RAD9A: variants seen among roughly 807,000 people sequenced by gnomAD.
The protein encoded by RAD9A is RAD9 checkpoint clamp component A, also known as cell cycle checkpoint control protein RAD9A.
RAD9A carries 25 observed loss-of-function variants against 41.2 expected under a neutral mutation model. That is an observed-to-expected ratio of 0.61 (90% CI 0.44 to 0.85). RAD9A has a LOEUF of 0.85. Among genes scored for constraint, RAD9A ranks in the 40% least tolerant of loss-of-function variants. RAD9A has a pLI of 0.00. For synonymous variants in RAD9A, 252 were observed against 210.6 expected (o/e 1.20, Z -1.70); for missense variants, 514 against 518.3 (o/e 0.99, Z 0.08).
chr11:67,396,714 G>C (rs1229074970), intron 9 of RAD9A, among the ~76,000 whole-genome samples: 3 of 152,210 alleles, frequency 2.0e-5, no homozygotes, highest in Non-Finnish European at 2.9e-5. Flanking sequence ...CTGGGAGGCA[G>C]GAGCTGCCTG....
At chr11:67,397,038 C>T (rs1161671709) in intron 9 of RAD9A, 141 bp from the exon 10 acceptor site, 8 of 631,374 alleles carry the variant, frequency 1.3e-5, no homozygotes, top group Admixed American at 2.7e-5. Context: ...TGCATCCTCT[C>T]CTCTCCAGCC....
At position 67,397,322 on chromosome 11, in the gene RAD9A, C is replaced by T. The variant is rs760292348; in HGVS notation, c.1016C>T (p.Pro339Leu). 7 of 1,596,532 alleles carry T rather than the reference C, an allele frequency of 4.4e-6. No individual in the cohort carries two copies. The highest frequency in any genetic ancestry group is 5.1e-6 in the Non-Finnish European group (6 of 1,171,040). Reference sequence around the variant, plus strand: ...CCCCAGCCCCCCAAGAGCCCCGGTCCCCACTCCGAGGAGGAAGATGAGGCT... The same window carrying T: ...CCCCAGCCCCCCAAGAGCCCCGGTCTCCACTCCGAGGAGGAAGATGAGGCT... ...PGPQPPKSPGPHSEEEDEAEP... is the reference protein window; with the variant it reads ...PGPQPPKSPGLHSEEEDEAEP... The change falls in exon 10 of 11, where the codon CCC (proline) becomes CTC (leucine). Residue 339 changes from proline (P) to leucine (L), a missense_variant. This residue lies in a region of RAD9A where 216 missense variants were observed against 184.2 expected (regional missense o/e 1.17). Transcript: ENST00000307980.
chr11:67,396,698 G>C (rs555884077), intron 9 of RAD9A, among the ~76,000 whole-genome samples: 1 of 152,338 alleles, frequency 6.6e-6, no homozygotes, highest in East Asian at 1.9e-4. Context: ...AGGAGGGAAA[G>C]GGCTGCTGGG....
intron 3 of RAD9A, 35 bp downstream of exon 3, chr11:67,392,817 C>T (rs752824198): frequency 1.2e-5 from 19 of 1,608,704 alleles, no homozygotes; most frequent in Non-Finnish European, 1.5e-5. Context: ...CACTACTCCA[C>T]CCCAGGAATC....
intron 5 of RAD9A, chr11:67,395,321 T>C: frequency 5.2e-6 from 1 of 190,902 alleles, no homozygotes; most frequent in Non-Finnish European, 1.1e-5. Context: ...CTCTGTCTCA[T>C]GAATAATTTC....
chr11:67,397,565 G>A lies in RAD9A; in HGVS notation c.*6G>A. 2 of 1,590,428 alleles carry A rather than the reference G, an allele frequency of 1.3e-6. No individual in the cohort carries two copies. Among genetic ancestry groups the A allele is most frequent in the Non-Finnish European group, 1.7e-6 (2 of 1,160,996 alleles). ...ACAGTGAGGGTGAAGGCTGAACCAA[G>A]AACCTGAAGCCTGTACCCAGAGGCC... On this transcript the variant is annotated 3_prime_UTR_variant, in exon 11 of 11. Coordinates refer to ENST00000307980, the MANE Select transcript of RAD9A (RefSeq NM_004584.3).
At chr11:67,396,697 A>C (rs891297102) in intron 9 of RAD9A, among the ~76,000 whole-genome samples, 3 of 152,174 alleles carry the variant, frequency 2.0e-5, no homozygotes, top group African/African-American at 7.2e-5. Flanking sequence ...AAGGAGGGAA[A>C]GGGCTGCTGG....
At position 67,392,165 on chromosome 11, in the gene RAD9A, C is replaced by T. The variant is rs1422071045; in HGVS notation, c.39C>T (p.Leu13=). Residue 13 remains leucine (L), a synonymous_variant, in exon 2 of 11, where the codon CTC becomes CTT. Coordinates refer to ENST00000307980, the MANE Select transcript of RAD9A (RefSeq NM_004584.3). The part of the protein sequence containing the change: ...CLVTGGNVKV[L]GKAVHSLSRI... Reference sequence around the variant, plus strand: ...CTTCCGCTCTTCTCCCCGCAGTGCTCGGCAAGGCCGTCCACTCCCTGTCCC... The same window carrying T: ...CTTCCGCTCTTCTCCCCGCAGTGCTTGGCAAGGCCGTCCACTCCCTGTCCC... 6.8e-7 allele frequency: 1 copy of T among 1,471,608 alleles called. No individual in the cohort carries two copies. The highest frequency in any genetic ancestry group is 1.8e-5 in the Admixed American group (1 of 55,162). 91.2% of individuals were successfully genotyped at this position (1,471,608 alleles called of 1,614,324 possible). A position where few individuals can be genotyped will look rare whatever the true frequency, so the allele number is the denominator to read the frequency against.
In RAD9A at chr11:67,397,472, A is replaced by G. The variant is rs755247318; in HGVS notation, c.1089A>G (p.Ser363=). The change falls in exon 11 of 11, where the codon TCA becomes TCG. Residue 363 remains serine (S), a synonymous_variant. Transcript: ENST00000307980. ...PGTPPPKKFR[S]LFFGSILAPV... ...ACTTGTTCTCTTTCCAGTTCCGCTCACTGTTCTTCGGCTCCATCCTGGCCC... is the reference window on the plus strand; with the variant it reads ...ACTTGTTCTCTTTCCAGTTCCGCTCGCTGTTCTTCGGCTCCATCCTGGCCC... The G allele has an allele frequency of 3.1e-6, 5 of 1,611,146 alleles. No individual in the cohort carries two copies. The highest frequency in any genetic ancestry group is 4.2e-6 in the Non-Finnish European group (5 of 1,177,714).
At chr11:67,396,068 T>C in intron 7 of RAD9A, 43 bp from the exon 8 acceptor site, 1 of 1,613,292 alleles carries the variant, frequency 6.2e-7, no homozygotes, top group Non-Finnish European at 8.5e-7. Flanking sequence ...CCTGCCCAGC[T>C]CAGCCCAGCC....
In RAD9A at chr11:67,392,616, C is replaced by T. The variant is rs376346355; in HGVS notation, c.106-38C>T. The T allele has an allele frequency of 5.8e-5, 93 of 1,611,174 alleles. No homozygotes were observed. The African/African-American group carries it at 1.1e-3, about 19-fold the overall frequency. On this transcript the variant is annotated intron_variant, in intron 2 of 10. Coordinates refer to ENST00000307980, the MANE Select transcript of RAD9A (RefSeq NM_004584.3). Reference sequence around the variant, plus strand: ...CCAGAGGGCTGGGTCTGTGGCTGCCCCCTGACCACGTCCCTCTCCCTGCTC... The same window carrying T: ...CCAGAGGGCTGGGTCTGTGGCTGCCTCCTGACCACGTCCCTCTCCCTGCTC...
Position 67,392,722 on chromosome 11 carries a change from C to T in RAD9A, c.174C>T (p.Phe58=). ...GCTTTCTCTTTGCCCCGCTCTTCTT[C>T]CAGCAATACCAGGCAGCCACCCCTG... ...YACFLFAPLF[F]QQYQAATPGQ... Residue 58 remains phenylalanine (F), a synonymous_variant, in exon 3 of 11, where the codon TTC becomes TTT. Transcript: ENST00000307980. The T allele has an allele frequency of 6.2e-7, 1 of 1,614,034 alleles. No homozygotes were observed. Among genetic ancestry groups the T allele is most frequent in the Non-Finnish European group, 8.5e-7 (1 of 1,179,952 alleles).
At chr11:67,397,149 C>A in intron 9 of RAD9A, 30 bp from the exon 10 acceptor site, 2 of 1,561,612 alleles carry the variant, frequency 1.3e-6, no homozygotes, top group Non-Finnish European at 1.8e-6. Flanking sequence ...TCCCCCAGTC[C>A]CCTCCCTGAT....
At chr11:67,396,609 C>T (rs1862706843) in intron 9 of RAD9A, among the ~76,000 whole-genome samples, 1 of 152,220 alleles carries the variant, frequency 6.6e-6, no homozygotes, top group Non-Finnish European at 1.5e-5. Flanking sequence ...AGACCCCTCC[C>T]ACCCAGGGAA....
intron 2 of RAD9A, 28 bp downstream of exon 2, chr11:67,392,259 T>TTGGGGGGCTGGGGTGGGGGGGGGGGGG: frequency 2.1e-6 from 1 of 484,302 alleles, no homozygotes; most frequent in Non-Finnish European, 4.1e-6. Context: ...GGGGGGCGGG[T>TTGGGGGGCTGGGGTGGGGGGGGGGGGG]GGGACTCCAG....
rs763291505 is a variant in RAD9A at position 67,395,739 on chromosome 11, C to A, written c.473C>A (p.Pro158His). The A allele has an allele frequency of 1.9e-6, 3 of 1,610,866 alleles. No homozygotes were observed. The Admixed American group carries it at 5.1e-5, about 27-fold the overall frequency. ...PARVLGEAVL[P>H]FSPALAEVTL... The stretch of plus-strand genomic sequence containing the variant: ...AGGGTTCTGGGGGAGGCTGTTCTGC[C>A]CTTCTCTCCTGCACTGGCTGAAGTG... Residue 158 changes from proline to histidine, a missense_variant, in exon 6 of 11, where the codon CCC becomes CAC. Transcript: ENST00000307980.
chr11:67,396,499 C>T, intron 9 of RAD9A, 99 bp downstream of exon 9: 15 of 1,421,012 alleles, frequency 1.1e-5, no homozygotes, highest in Non-Finnish European at 1.4e-5. Context: ...AATGTGTTCT[C>T]TCCCGCCCCT....
chr11:67,392,259 T>TTTGGGGGGGGGGGGGGGGGG, intron 2 of RAD9A, 28 bp downstream of exon 2: 1 of 484,286 alleles, frequency 2.1e-6, no homozygotes, highest in Non-Finnish European at 4.1e-6. Flanking sequence ...GGGGGGCGGG[T>TTTGGGGGGGGGGGGGGGGGG]GGGACTCCAG....
chr11:67,393,490 A>T lies in RAD9A; in HGVS notation c.235-6A>T, dbSNP rs2066496. 24 of 1,613,734 alleles carry T rather than the reference A, an allele frequency of 1.5e-5. No individual in the cohort carries two copies. Among genetic ancestry groups the T allele is most frequent in the African/African-American group, 4.0e-5 (3 of 74,816 alleles). On this transcript the variant is annotated splice_region_variant and splice_polypyrimidine_tract_variant and intron_variant, in intron 3 of 10. Coordinates refer to ENST00000307980, the MANE Select transcript of RAD9A (RefSeq NM_004584.3). ...ATGCTAGGCTGAGGTGTCTTATCCCATGCAGTCTTTCCTGTCTGTCTTCCG... is the reference window on the plus strand; with the variant it reads ...ATGCTAGGCTGAGGTGTCTTATCCCTTGCAGTCTTTCCTGTCTGTCTTCCG...
Sources: gnomAD v4.1 joint callset for allele counts (sites outside exome capture counted in the v4.1 genomes callset) on GRCh38, gnomAD v4.1.1 for gene constraint, gnomAD v4.1.1 regional missense constraint, MANE v1.5 for transcripts, NCBI Gene and HGNC (gene_info 2026-07-23, HGNC 2026-07-21) for gene names.